The following DDI2 variants were observed in gnomAD, a reference collection of about 807,000 sequenced individuals.
The protein encoded by DDI2 is DDI proteasomal shuttling factor 2.
Under a neutral mutation model 48.1 loss-of-function variants are expected in DDI2, and 5 were observed. That is an observed-to-expected ratio of 0.10 (90% CI 0.05 to 0.22). The LOEUF (loss-of-function observed/expected upper bound fraction) is 0.22. Among genes scored for constraint, DDI2 ranks in the 10% least tolerant of loss-of-function variants. The probability of loss-of-function intolerance (pLI) is 1.00; values close to 1 mark genes in which losing one functional copy is unlikely to be tolerated. For missense variants in DDI2, 285 were observed against 506.2 expected, an observed-to-expected ratio of 0.56 and a Z score of 4.19; for synonymous variants, 205 against 183.6, an observed-to-expected ratio of 1.12 and a Z score of -0.94.
At chr1:15,652,439 GAGGCTCC>G (rs1640201456) in intron 8 of DDI2, among the ~76,000 whole-genome samples, 1 of 77,964 alleles carries the variant, frequency 1.3e-5, no homozygotes, top group African/African-American at 4.9e-5. Flanking sequence ...AGCACTTTGG[GAGGCTCC>G]GGAGGGGGGG....
Position 15,661,541 on chromosome 1 carries a change from G to T in DDI2, c.*1751G>T. On this transcript the variant is annotated 3_prime_UTR_variant, in exon 10 of 10. Coordinates refer to ENST00000480945, the MANE Select transcript of DDI2 (RefSeq NM_032341.5). Reference sequence around the variant, plus strand: ...TTACTTGAATATGAACCACCTACCAGCCATCCATCATCAAGTCCTGCCATT... The same window carrying T: ...TTACTTGAATATGAACCACCTACCATCCATCCATCATCAAGTCCTGCCATT... 1 of 1,614,132 alleles carries T rather than the reference G, an allele frequency of 6.2e-7. No homozygotes were observed. The highest frequency in any genetic ancestry group is 2.2e-5 in the East Asian group (1 of 44,876).
intron 7 of DDI2, 137 bp from the exon 8 acceptor site, chr1:15,651,569 T>C (rs1640184637): frequency 1.4e-6 from 1 of 731,410 alleles, no homozygotes; most frequent in Non-Finnish European, 2.1e-6. Context: ...TCTGCCCTCC[T>C]CAGCCTCCCA....
intron 5 of DDI2, 96 bp downstream of exon 5, chr1:15,638,530 CTTTTTTTTTTTT>C (rs775059343): frequency 1.9e-5 from 11 of 570,976 alleles, no homozygotes; most frequent in Non-Finnish European, 2.7e-5. Context: ...GATGGCTGTA[CTTTTTTTTTTTT>C]TTTTTTTTTT....
At chr1:15,622,505 G>GT (rs2103460366) in intron 1 of DDI2, among the ~76,000 whole-genome samples, 1 of 152,298 alleles carries the variant, frequency 6.6e-6, no homozygotes, top group Non-Finnish European at 1.5e-5. Flanking sequence ...CTCCTCTGGA[G>GT]TAAGTACCAG....
chr1:15,632,585 C>T (rs967407203), intron 3 of DDI2, among the ~76,000 whole-genome samples: 1 of 152,146 alleles, frequency 6.6e-6, no homozygotes, highest in African/African-American at 2.4e-5. Flanking sequence ...CATCTTATAG[C>T]AAGCAGTGTT....
intron 6 of DDI2, among the ~76,000 whole-genome samples, chr1:15,643,921 GC>G (rs1640047380): frequency 6.6e-6 from 1 of 152,010 alleles, no homozygotes; most frequent in African/African-American, 2.4e-5. Flanking sequence ...CGTCATTTTA[GC>G]TGATTTATTT....
At chr1:15,626,307 A>G (rs1639753756) in intron 1 of DDI2, among the ~76,000 whole-genome samples, 1 of 152,208 alleles carries the variant, frequency 6.6e-6, no homozygotes, top group Admixed American at 6.5e-5. Context: ...TTTAAATAAC[A>G]TAGTAGGGAA....
intron 9 of DDI2, 101 bp downstream of exon 9, chr1:15,656,780 A>G (rs2148304453): frequency 6.5e-7 from 1 of 1,540,246 alleles, no homozygotes; most frequent in Non-Finnish European, 8.9e-7. Flanking sequence ...GTCATTCACC[A>G]TTTCACCTTG....
At chr1:15,627,331 T>C (rs1639774097) in intron 2 of DDI2, among the ~76,000 whole-genome samples, 1 of 152,174 alleles carries the variant, frequency 6.6e-6, no homozygotes, top group Non-Finnish European at 1.5e-5. Flanking sequence ...TCTTTAAAGT[T>C]ACATAGCTAT....
Position 15,661,719 on chromosome 1 carries a change from A to G in DDI2, c.*1929A>G, listed in dbSNP as rs775126787. 4.4e-6 allele frequency: 7 copies of G among 1,605,286 alleles called. No individual in the cohort carries two copies. Among genetic ancestry groups the G allele is most frequent in the South Asian group, 3.3e-5 (3 of 89,986 alleles). On this transcript the variant is annotated 3_prime_UTR_variant, in exon 10 of 10. Coordinates refer to ENST00000480945, the MANE Select transcript of DDI2 (RefSeq NM_032341.5). ...TCGCAAAAAACATCGTAGTTCCTAC[A>G]TGACTGTGGGAAAGTGGGCTAGACC... is the stretch of plus-strand genomic sequence containing the variant.
intron 8 of DDI2, among the ~76,000 whole-genome samples, chr1:15,653,268 A>T (rs1570989177): frequency 7.1e-6 from 1 of 141,340 alleles, no homozygotes; most frequent in Admixed American, 6.9e-5. Flanking sequence ...ATTTTATTTT[A>T]TTTATTTTAT....
intron 3 of DDI2, 61 bp downstream of exon 3, chr1:15,630,622 C>A: frequency 1.4e-5 from 16 of 1,153,548 alleles, no homozygotes; most frequent in East Asian, 2.4e-5. Flanking sequence ...TGTGTCATAG[C>A]AAATGTGAAG....
intron 5 of DDI2, among the ~76,000 whole-genome samples, chr1:15,642,483 T>C (rs988522156): frequency 2.0e-5 from 3 of 152,198 alleles, no homozygotes; most frequent in Admixed American, 1.3e-4. Flanking sequence ...AATAATGTAC[T>C]TACTTGTTTA....
Position 15,643,546 on chromosome 1 carries a change from A to G in DDI2, c.785A>G (p.Gln262Arg), listed in dbSNP as rs1640042229. 1 of 1,613,952 alleles carries G rather than the reference A, an allele frequency of 6.2e-7. No homozygotes were observed. Among genetic ancestry groups the G allele is most frequent in the South Asian group, 1.1e-5 (1 of 91,054 alleles). Residue 262 changes from glutamine (Q) to arginine (R), a missense_variant, in exon 6 of 10, where the codon CAA (glutamine) becomes CGA (arginine). Transcript: ENST00000480945. ...DSGAQMTIMS[Q>R]ACAERCNIMR... ...GGTGCCCAGATGACTATCATGAGCC[A>G]AGCTTGTGCAGAAAGGTGTAACATA...
rs1640275285 is a variant in DDI2, at chr1:15,656,473, T to C, written c.1184-144T>C. 3 of 1,550,476 alleles carry C rather than the reference T, an allele frequency of 1.9e-6. No homozygotes were observed. The Admixed American group carries it at 5.8e-5, about 30-fold the overall frequency. ...AAGCAACCAACAAATATTTTGGATG[T>C]CCAAACTACAGAAACATCCCTCAAC... On this transcript the variant is annotated intron_variant, in intron 8 of 9. Coordinates refer to ENST00000480945, the MANE Select transcript of DDI2 (RefSeq NM_032341.5).
intron 3 of DDI2, among the ~76,000 whole-genome samples, chr1:15,632,901 T>G (rs1393860474): frequency 1.3e-5 from 2 of 149,640 alleles, no homozygotes; most frequent in African/African-American, 4.9e-5. Flanking sequence ...TATAAAAAAT[T>G]TTTGCAAATA....
intron 6 of DDI2, among the ~76,000 whole-genome samples, chr1:15,646,725 A>G (rs1211285006): frequency 1.3e-5 from 2 of 152,204 alleles, no homozygotes; most frequent in Non-Finnish European, 2.9e-5. Context: ...GACAAAACCC[A>G]AAAACCTTTT....
At chr1:15,652,779 C>T (rs564458342) in intron 8 of DDI2, among the ~76,000 whole-genome samples, 4 of 151,898 alleles carry the variant, frequency 2.6e-5, no homozygotes, top group Admixed American at 2.6e-4. Flanking sequence ...GCTGAGATCG[C>T]ACCACTGCAC....
chr1:15,656,939 A>G (rs1418122812), intron 9 of DDI2: 2 of 343,952 alleles, frequency 5.8e-6, no homozygotes, highest in Non-Finnish European at 5.3e-6. Flanking sequence ...TATTATATCT[A>G]CCCCATCTTG....
Sources: allele counts gnomAD v4.1 joint callset (sites outside exome capture counted in the v4.1 genomes callset), GRCh38; gene constraint gnomAD v4.1.1; transcripts MANE v1.5; gene names NCBI Gene and HGNC (gene_info 2026-07-23, HGNC 2026-07-21).